Variants in RAD21L1 observed in about 807,000 individuals in gnomAD.
RAD21L1 encodes the protein double-strand-break repair protein rad21-like protein 1.
A neutral mutation model predicts 69.0 loss-of-function variants in RAD21L1; 47 were observed. That is an observed-to-expected ratio of 0.68 (90% CI 0.54 to 0.87). RAD21L1 has a LOEUF of 0.87. Ranked by LOEUF, RAD21L1 falls within the 40% of genes least tolerant of loss-of-function variation. The pLI, the probability that RAD21L1 is intolerant of heterozygous loss-of-function variation, is 0.00. For synonymous variants in RAD21L1, 177 were observed against 205.8 expected (o/e 0.86, Z 1.20); for missense variants, 583 against 647.6 (o/e 0.90, Z 1.08).
At chr20:1,237,336 G>A (rs1253634132) in intron 5 of RAD21L1, among the ~76,000 whole-genome samples, 1 of 152,164 alleles carries the variant, frequency 6.6e-6, no homozygotes, top group Admixed American at 6.5e-5. Context: ...GAGTCAGAGA[G>A]AGCTGGGTTC....
chr20:1,236,707 T>C (rs1249015276), intron 5 of RAD21L1, among the ~76,000 whole-genome samples: 1 of 152,208 alleles, frequency 6.6e-6, no homozygotes, highest in Non-Finnish European at 1.5e-5. Context: ...CCCTTATTCC[T>C]TCCTTTAATC....
chr20:1,236,416 T>C (rs1322442003), intron 5 of RAD21L1, among the ~76,000 whole-genome samples: 1 of 152,240 alleles, frequency 6.6e-6, no homozygotes, highest in African/African-American at 2.4e-5. Flanking sequence ...TTCTTTATTT[T>C]ATCAGCTTTG....
In RAD21L1 at chr20:1,229,803, C is replaced by G. The variant is rs1485637127; in HGVS notation, c.145-77C>G. On this transcript the variant is annotated intron_variant, in intron 2 of 13. Transcript: ENST00000683101. ...GCTTTTTTAAGAGAACCAATTCTTACGATGTCAGTAACTTTCAAAGAATAG... is the reference window on the plus strand; with the variant it reads ...GCTTTTTTAAGAGAACCAATTCTTAGGATGTCAGTAACTTTCAAAGAATAG... The G allele has an allele frequency of 1.5e-5, 17 of 1,108,358 alleles. No homozygotes were observed. In the South Asian group the frequency reaches 3.2e-4, roughly 21 times the overall value. 68.7% of individuals were successfully genotyped at this position (1,108,358 alleles called of 1,614,324 possible). A position where few individuals can be genotyped will look rare whatever the true frequency, so the allele number is the denominator to read the frequency against.
chr20:1,238,064 A>G lies in RAD21L1; in HGVS notation c.496A>G (p.Arg166Gly), dbSNP rs781412789. 7.3e-6 allele frequency: 11 copies of G among 1,516,390 alleles called. No individual in the cohort carries two copies. The highest frequency in any genetic ancestry group is 9.8e-6 in the Non-Finnish European group (11 of 1,123,142). 93.9% of individuals were successfully genotyped at this position (1,516,390 alleles called of 1,614,324 possible). The change falls in exon 6 of 14, where the codon AGA becomes GGA. Residue 166 changes from arginine (R) to glycine (G), a missense_variant. By Grantham distance (125) the Arg-to-Gly change is moderately radical. Coordinates refer to ENST00000683101, the MANE Select transcript of RAD21L1 (RefSeq NM_001384355.1). ...ESFGEESEIL[R>G]RHSFFDDNIL... ...TTTAGGGGAGGAATCTGAAATTCTC[A>G]GAAGACATAGCTTCTTTGATGACAA...
intron 5 of RAD21L1, among the ~76,000 whole-genome samples, chr20:1,237,337 A>G (rs536014543): frequency 7.2e-5 from 11 of 152,264 alleles, no homozygotes; most frequent in African/African-American, 2.6e-4. Context: ...AGTCAGAGAG[A>G]GCTGGGTTCA....
intron 4 of RAD21L1, 97 bp downstream of exon 4, chr20:1,231,716 G>A: frequency 3.0e-6 from 2 of 656,974 alleles, no homozygotes; most frequent in South Asian, 2.0e-5. Context: ...GTTAACAACT[G>A]CACAAGTACA....
intron 1 of RAD21L1, among the ~76,000 whole-genome samples, chr20:1,228,080 A>G (rs77356624): frequency 0.02 from 3,029 of 152,146 alleles, 61 homozygotes; most frequent in Non-Finnish European, 0.029. Flanking sequence ...TTATTTCCAT[A>G]TCTTATATTT....
intron 4 of RAD21L1, among the ~76,000 whole-genome samples, chr20:1,232,525 T>C (rs1196387290): frequency 6.6e-6 from 1 of 152,196 alleles, no homozygotes; most frequent in African/African-American, 2.4e-5. Context: ...GTTACAGATA[T>C]ATCTGGAAAG....
chr20:1,240,615 G>A (rs2087587485), intron 8 of RAD21L1, among the ~76,000 whole-genome samples, 181 bp downstream of exon 8: 1 of 152,030 alleles, frequency 6.6e-6, no homozygotes, highest in African/African-American at 2.4e-5. Flanking sequence ...GTAGGAAGCG[G>A]GACTCAACTC....
chr20:1,226,713 T>C (rs1287477247), intron 1 of RAD21L1, among the ~76,000 whole-genome samples: 2 of 152,032 alleles, frequency 1.3e-5, no homozygotes, highest in Non-Finnish European at 2.9e-5. Flanking sequence ...ACGAAGTCAG[T>C]TCAATCTGGA....
chr20:1,229,220 G>T (rs115404462), intron 2 of RAD21L1, among the ~76,000 whole-genome samples: 2,100 of 152,210 alleles, frequency 0.014, 44 homozygotes, highest in African/African-American at 0.048. Context: ...AGCATGTTTT[G>T]AGTTGGTCAA....
At position 1,228,485 on chromosome 20, in the gene RAD21L1, G is replaced by A. The variant is rs2087310340; in HGVS notation, c.32G>A (p.Arg11Gln). MFYTHVLMSK[R>Q]GPLAKIWLAA... ...TACACACATGTGCTTATGAGTAAAC[G>A]AGGGCCATTGGCCAAAATATGGCTT... The change falls in exon 2 of 14, where the codon CGA (arginine) becomes CAA (glutamine). Residue 11 changes from arginine (R) to glutamine (Q), a missense_variant. Arg to Gln is a conservative substitution (Grantham distance 43, BLOSUM62 1). Transcript: ENST00000683101. The A allele has an allele frequency of 2.6e-6, 4 of 1,549,886 alleles. No individual in the cohort carries two copies. The highest frequency in any genetic ancestry group is 3.5e-6 in the Non-Finnish European group (4 of 1,146,290).
intron 8 of RAD21L1, among the ~76,000 whole-genome samples, chr20:1,240,995 C>G (rs1444555452): frequency 6.6e-6 from 1 of 152,192 alleles, no homozygotes; most frequent in Non-Finnish European, 1.5e-5. Flanking sequence ...CTGACTTGCC[C>G]TTGAATTCTT....
chr20:1,248,825 A>T, intron 13 of RAD21L1, 122 bp downstream of exon 13: 1 of 536,766 alleles, frequency 1.9e-6, no homozygotes, highest in South Asian at 2.9e-5. Flanking sequence ...GCCAAATCCC[A>T]CTAGAGTGCA....
chr20:1,227,410 G>A (rs1600212218), intron 1 of RAD21L1, among the ~76,000 whole-genome samples: 1 of 152,344 alleles, frequency 6.6e-6, no homozygotes, highest in East Asian at 1.9e-4. Context: ...TTTAGTTGGG[G>A]CATAATGATT....
chr20:1,245,524 TAATC>T (rs1235310498), intron 11 of RAD21L1, among the ~76,000 whole-genome samples: 1 of 152,212 alleles, frequency 6.6e-6, no homozygotes, highest in Non-Finnish European at 1.5e-5. Flanking sequence ...AGGAGGCCCT[TAATC>T]AAGATTGAGG....
intron 13 of RAD21L1, among the ~76,000 whole-genome samples, chr20:1,250,922 G>A (rs1014120028): frequency 4.6e-5 from 7 of 152,080 alleles, no homozygotes; most frequent in African/African-American, 1.2e-4. Context: ...CCAAACCAGC[G>A]GCTGTTTAGG....
Position 1,243,148 on chromosome 20 carries a change from A to G in RAD21L1, c.1135A>G (p.Ile379Val). Residue 379 changes from isoleucine (I) to valine (V), a missense_variant, in exon 10 of 14, where the codon ATA becomes GTA. By Grantham distance (29) the Ile-to-Val change is conservative (BLOSUM62 3). Coordinates refer to ENST00000683101, the MANE Select transcript of RAD21L1 (RefSeq NM_001384355.1). ...SSGFKLGRKM[I>V]QKESVREEVG... is the part of the protein sequence containing the mutation. ...TGGCTTTAAACTTGGAAGAAAAATGATACAGAAGGAGTCAGTAAGGGAAGA... is the reference window on the plus strand; with the variant it reads ...TGGCTTTAAACTTGGAAGAAAAATGGTACAGAAGGAGTCAGTAAGGGAAGA... 1 of 1,540,246 alleles carries G rather than the reference A, an allele frequency of 6.5e-7. No homozygotes were observed. The highest frequency in any genetic ancestry group is 1.4e-5 in the African/African-American group (1 of 72,786).
At chr20:1,247,449 G>A (rs1923876) in intron 12 of RAD21L1, among the ~76,000 whole-genome samples, 10,197 of 152,176 alleles carry the variant, frequency 0.067, 475 homozygotes, top group East Asian at 0.17. Context: ...TAATAAGTGG[G>A]TGTCCTCATT....
Sources: gnomAD v4.1 joint callset for allele counts (sites outside exome capture counted in the v4.1 genomes callset) on GRCh38, gnomAD v4.1.1 for gene constraint, MANE v1.5 for transcripts, NCBI Gene and HGNC (gene_info 2026-07-23, HGNC 2026-07-21) for gene names.